The following EXT1 variants were observed in gnomAD, a reference collection of about 807,000 sequenced individuals.
EXT1 encodes the protein exostosin glycosyltransferase 1.
EXT1 carries 20 observed loss-of-function variants against 82.5 expected under a neutral mutation model. The ratio of observed to expected loss-of-function variants is 0.24; its 90% CI spans 0.17 to 0.35. EXT1 has a LOEUF of 0.35. EXT1 is among the 10% of genes least tolerant of loss of function. The pLI is 1.00. For missense variants in EXT1, 757 were observed against 936.5 expected (o/e 0.81, Z 2.50); for synonymous variants, 348 against 350.8 (o/e 0.99, Z 0.09).
chr8:117,829,631 T>C (rs910533257), intron 4 of EXT1, among the ~76,000 whole-genome samples: 6 of 142,470 alleles, frequency 4.2e-5, no homozygotes, highest in Non-Finnish European at 7.5e-5. Flanking sequence ...TGGAGTATAA[T>C]GGTGCAATCT....
chr8:117,822,407 G>T (rs1236605588), intron 5 of EXT1, 58 bp downstream of exon 5: 13 of 1,591,366 alleles, frequency 8.2e-6, no homozygotes, highest in Non-Finnish European at 8.6e-7. Context: ...AAGGCCTTTA[G>T]TTCTGTATGA....
intron 1 of EXT1, among the ~76,000 whole-genome samples, chr8:118,097,084 T>C (rs1264692486): frequency 1.3e-5 from 2 of 152,150 alleles, no homozygotes; most frequent in Admixed American, 6.5e-5. Flanking sequence ...TATTTAAAGC[T>C]GCAAAATTCT....
intron 1 of EXT1, among the ~76,000 whole-genome samples, chr8:117,964,108 T>A (rs1379953028): frequency 6.6e-6 from 1 of 152,216 alleles, no homozygotes; most frequent in Admixed American, 6.5e-5. Context: ...GTGCTTTGTA[T>A]CATTTGTTTA....
chr8:117,966,709 T>C (rs1169836585), intron 1 of EXT1, among the ~76,000 whole-genome samples: 12 of 152,220 alleles, frequency 7.9e-5, no homozygotes, highest in Admixed American at 7.9e-4. Context: ...TAATTCTCCA[T>C]TTTGATGAAG....
chr8:117,855,902 T>G (rs1416916763), intron 1 of EXT1, among the ~76,000 whole-genome samples: 1 of 152,162 alleles, frequency 6.6e-6, no homozygotes, highest in East Asian at 1.9e-4. Flanking sequence ...ACACCCGACC[T>G]CAGGTGATCC....
chr8:117,822,758 A>G (rs1228300227), intron 4 of EXT1, among the ~76,000 whole-genome samples, 161 bp from the exon 5 acceptor site: 1 of 152,194 alleles, frequency 6.6e-6, no homozygotes, highest in East Asian at 1.9e-4. Context: ...AGACAGAGAG[A>G]GTAATGGAGC....
Position 118,111,406 on chromosome 8 carries a change from T to C in EXT1, c.-360A>G. ...AAAAAAGCTCCCGATACCCAATCAATGGCAAGACGAAGTGATTGCCTTGCC... is the reference window on the plus strand; with the variant it reads ...AAAAAAGCTCCCGATACCCAATCAACGGCAAGACGAAGTGATTGCCTTGCC... On this transcript the variant is annotated 5_prime_UTR_variant, in exon 1 of 11. Transcript: ENST00000378204. 1 of 541,240 alleles carries C rather than the reference T, an allele frequency of 1.8e-6. No individual in the cohort carries two copies. The highest frequency in any genetic ancestry group is 2.7e-5 in the South Asian group (1 of 36,394). 33.5% of individuals were successfully genotyped at this position (541,240 alleles called of 1,614,324 possible). A position where few individuals can be genotyped will look rare whatever the true frequency, so the allele number is the denominator to read the frequency against.
chr8:117,883,630 T>C (rs148004576), intron 1 of EXT1, among the ~76,000 whole-genome samples: 1 of 152,316 alleles, frequency 6.6e-6, no homozygotes, highest in African/African-American at 2.4e-5. Context: ...AATACCTTCA[T>C]AGCAGGCAAA....
At chr8:118,021,463 A>C (rs1816101911) in intron 1 of EXT1, among the ~76,000 whole-genome samples, 1 of 152,204 alleles carries the variant, frequency 6.6e-6, no homozygotes, top group Admixed American at 6.5e-5. Flanking sequence ...TTATGACTCA[A>C]ATAAAACTCT....
chr8:117,840,447 T>C (rs1228572956), intron 1 of EXT1, among the ~76,000 whole-genome samples: 1 of 152,018 alleles, frequency 6.6e-6, no homozygotes, highest in African/African-American at 2.4e-5. Context: ...ACCTCAACTC[T>C]ACTAAAAATA....
intron 1 of EXT1, among the ~76,000 whole-genome samples, chr8:117,903,649 C>T (rs1019402187): frequency 1.3e-5 from 2 of 152,144 alleles, no homozygotes; most frequent in African/African-American, 4.8e-5. Context: ...TCCCATTTTC[C>T]TCCTTTTTCT....
At chr8:117,806,221 T>C (rs767419689) in intron 9 of EXT1, among the ~76,000 whole-genome samples, 21 of 152,208 alleles carry the variant, frequency 1.4e-4, no homozygotes, top group Non-Finnish European at 3.1e-4. Context: ...GGGTCTGTTA[T>C]AGCCTCTTCT....
intron 1 of EXT1, among the ~76,000 whole-genome samples, chr8:117,903,223 A>T (rs2129971794): frequency 6.6e-6 from 1 of 152,340 alleles, no homozygotes; most frequent in South Asian, 2.1e-4. Flanking sequence ...TCAAACTAAG[A>T]AGACGAAATA....
intron 1 of EXT1, among the ~76,000 whole-genome samples, chr8:118,008,443 T>C (rs1815826307): frequency 6.6e-6 from 1 of 151,998 alleles, no homozygotes. Flanking sequence ...GTATTTTTAG[T>C]AAAGACAGGG....
chr8:118,109,893 C>A (rs1817862740), intron 1 of EXT1, among the ~76,000 whole-genome samples, 192 bp downstream of exon 1: 1 of 152,134 alleles, frequency 6.6e-6, no homozygotes, highest in Non-Finnish European at 1.5e-5. Flanking sequence ...TTTCAGTTTG[C>A]CCGAGGAGCT....
intron 1 of EXT1, among the ~76,000 whole-genome samples, chr8:117,948,152 T>TA (rs940564253): frequency 7.3e-5 from 11 of 150,208 alleles, no homozygotes; most frequent in Admixed American, 2.0e-4. Flanking sequence ...TAGGGCAATG[T>TA]AAAAAAAAAT....
At chr8:117,916,151 A>C (rs977968718) in intron 1 of EXT1, among the ~76,000 whole-genome samples, 1 of 152,218 alleles carries the variant, frequency 6.6e-6, no homozygotes, top group Non-Finnish European at 1.5e-5. Context: ...AATTACAGTA[A>C]CTTTACCCAT....
intron 1 of EXT1, among the ~76,000 whole-genome samples, chr8:117,925,015 G>T (rs1037286918): frequency 1.3e-5 from 2 of 152,092 alleles, no homozygotes; most frequent in African/African-American, 4.8e-5. Flanking sequence ...TATAAATTTA[G>T]TGACATGTTT....
intron 1 of EXT1, among the ~76,000 whole-genome samples, chr8:117,913,399 T>G (rs1352079335): frequency 6.6e-6 from 1 of 152,182 alleles, no homozygotes; most frequent in Non-Finnish European, 1.5e-5. Context: ...GTTCAGGGTA[T>G]CTCCTTCTGT....
Sources: gnomAD v4.1 joint callset for allele counts (sites outside exome capture counted in the v4.1 genomes callset) on GRCh38, gnomAD v4.1.1 for gene constraint, MANE v1.5 for transcripts, NCBI Gene and HGNC (gene_info 2026-07-23, HGNC 2026-07-21) for gene names.